Variants in HS6ST3 observed in about 807,000 individuals in gnomAD.
HS6ST3 encodes heparan-sulfate 6-O-sulfotransferase 3.
HS6ST3 carries 12 observed loss-of-function variants against 36.7 expected under a neutral mutation model. That is an observed-to-expected ratio of 0.33 (90% CI 0.21 to 0.53). HS6ST3 has a LOEUF of 0.53. Among genes scored for constraint, HS6ST3 ranks in the 20% least tolerant of loss-of-function variants. The probability of loss-of-function intolerance (pLI) is 0.95; values close to 1 mark genes in which losing one functional copy is unlikely to be tolerated. For synonymous variants in HS6ST3, 240 were observed against 257.5 expected, an observed-to-expected ratio of 0.93 and a Z score of 0.65; for missense variants, 584 against 640.9, an observed-to-expected ratio of 0.91 and a Z score of 0.96.
intron 1 of HS6ST3, among the ~76,000 whole-genome samples, chr13:96,163,604 T>C (rs1187619286): frequency 6.6e-6 from 1 of 152,180 alleles, no homozygotes; most frequent in Non-Finnish European, 1.5e-5. Context: ...TATGTTGAAC[T>C]ATAGTGCTCT....
chr13:96,187,662 C>T (rs555315082), intron 1 of HS6ST3, among the ~76,000 whole-genome samples: 2 of 152,264 alleles, frequency 1.3e-5, no homozygotes, highest in Non-Finnish European at 2.9e-5. Context: ...ATTTTCAAGA[C>T]TCTAAATGTA....
At chr13:96,181,974 A>G (rs1487414467) in intron 1 of HS6ST3, among the ~76,000 whole-genome samples, 2 of 152,226 alleles carry the variant, frequency 1.3e-5, no homozygotes, top group Admixed American at 6.5e-5. Flanking sequence ...TTAAAAGCCT[A>G]TTCACCTACC....
chr13:96,627,923 T>C (rs903283604), intron 1 of HS6ST3, among the ~76,000 whole-genome samples: 6 of 151,906 alleles, frequency 3.9e-5, no homozygotes, highest in Admixed American at 6.5e-5. Context: ...TATCTTTTTC[T>C]AAATTAATAT....
At chr13:96,572,369 G>T (rs992563017) in intron 1 of HS6ST3, among the ~76,000 whole-genome samples, 1 of 152,066 alleles carries the variant, frequency 6.6e-6, no homozygotes, top group Non-Finnish European at 1.5e-5. Flanking sequence ...AGAAAAGTTT[G>T]GCATGCCAAG....
chr13:96,100,927 A>G (rs2053815236), intron 1 of HS6ST3, among the ~76,000 whole-genome samples: 1 of 152,128 alleles, frequency 6.6e-6, no homozygotes, highest in Admixed American at 6.5e-5. Flanking sequence ...GATACCCCAT[A>G]TTTTAGTACC....
At chr13:96,572,904 G>A (rs2056306006) in intron 1 of HS6ST3, among the ~76,000 whole-genome samples, 1 of 152,192 alleles carries the variant, frequency 6.6e-6, no homozygotes, top group African/African-American at 2.4e-5. Flanking sequence ...GGCACATTGT[G>A]TAACACTGAA....
chr13:96,467,078 C>T (rs2055817898), intron 1 of HS6ST3, among the ~76,000 whole-genome samples: 1 of 152,190 alleles, frequency 6.6e-6, no homozygotes, highest in Non-Finnish European at 1.5e-5. Flanking sequence ...TTCTTTCTGA[C>T]TCCCATTGCA....
intron 1 of HS6ST3, among the ~76,000 whole-genome samples, chr13:96,732,181 C>A: frequency 6.6e-6 from 1 of 151,986 alleles, no homozygotes; most frequent in East Asian, 1.9e-4. Flanking sequence ...TTTCATATAC[C>A]TTTTGGCCAT....
chr13:96,807,223 C>T (rs1219188262), intron 1 of HS6ST3, among the ~76,000 whole-genome samples: 2 of 152,214 alleles, frequency 1.3e-5, no homozygotes, highest in African/African-American at 4.8e-5. Context: ...AAACCAAACT[C>T]TGTCTTCCCC....
chr13:96,489,375 A>AACACACACAC lies in HS6ST3; in HGVS notation c.708-343095_708-343086dup, dbSNP rs67334904. Among the ~76,000 whole-genome samples, 324 of 148,090 alleles carry AACACACACAC rather than the reference A, an allele frequency of 2.2e-3. 1 individual carries two copies. Among genetic ancestry groups the AACACACACAC allele is most frequent in the African/African-American group, 7.7e-3 (310 of 40,318 alleles). ...GCAGGAATATTTTTCTGTATATACA[A>AACACACACAC]ACACACACACACACACACACACACA... On this transcript the variant is annotated intron_variant, in intron 1 of 1. Coordinates refer to ENST00000376705, the MANE Select transcript of HS6ST3 (RefSeq NM_153456.4).
intron 1 of HS6ST3, among the ~76,000 whole-genome samples, chr13:96,347,109 A>C (rs2055159833): frequency 6.6e-6 from 1 of 152,158 alleles, no homozygotes; most frequent in Non-Finnish European, 1.5e-5. Flanking sequence ...CCTTCATTGC[A>C]GCTTGTGAGA....
At chr13:96,737,352 G>A (rs1479728441) in intron 1 of HS6ST3, among the ~76,000 whole-genome samples, 1 of 152,024 alleles carries the variant, frequency 6.6e-6, no homozygotes, top group Admixed American at 6.6e-5. Flanking sequence ...TTGGCCGGGC[G>A]CGGTGGTTCA....
At chr13:96,781,129 T>C (rs1877515882) in intron 1 of HS6ST3, among the ~76,000 whole-genome samples, 1 of 152,200 alleles carries the variant, frequency 6.6e-6, no homozygotes, top group South Asian at 2.1e-4. Context: ...CCCATTTTCC[T>C]TGTGGAGATA....
intron 1 of HS6ST3, among the ~76,000 whole-genome samples, chr13:96,600,202 A>C (rs2056416353): frequency 6.6e-6 from 1 of 151,904 alleles, no homozygotes; most frequent in Admixed American, 6.6e-5. Context: ...TGTCTGCCTT[A>C]ATGCTGTCAG....
chr13:96,128,819 A>G (rs534099333), intron 1 of HS6ST3, among the ~76,000 whole-genome samples: 1 of 151,864 alleles, frequency 6.6e-6, no homozygotes, highest in Non-Finnish European at 1.5e-5. Flanking sequence ...CCTTCATCCC[A>G]AGAGGTTTAT....
chr13:96,295,525 T>A (rs1301121417), intron 1 of HS6ST3, among the ~76,000 whole-genome samples: 1 of 152,120 alleles, frequency 6.6e-6, no homozygotes, highest in East Asian at 1.9e-4. Flanking sequence ...AGTACAGATG[T>A]TGAGCTCTCT....
chr13:96,675,852 C>T (rs1298628971), intron 1 of HS6ST3, among the ~76,000 whole-genome samples: 1 of 152,118 alleles, frequency 6.6e-6, no homozygotes, highest in Non-Finnish European at 1.5e-5. Context: ...CCTGCATCCC[C>T]CTTTTGATTA....
At chr13:96,745,255 T>C (rs953157140) in intron 1 of HS6ST3, among the ~76,000 whole-genome samples, 14 of 152,094 alleles carry the variant, frequency 9.2e-5, no homozygotes, top group Admixed American at 4.6e-4. Flanking sequence ...TCAAACATTA[T>C]AGCCTCAATT....
intron 1 of HS6ST3, among the ~76,000 whole-genome samples, chr13:96,254,460 T>C (rs1365053146): frequency 4.1e-3 from 14 of 3,446 alleles, no homozygotes; most frequent in Non-Finnish European, 8.1e-3. Context: ...TATATATATA[T>C]ATATATATAT....
Sources: gnomAD v4.1 joint callset for allele counts (sites outside exome capture counted in the v4.1 genomes callset) on GRCh38, gnomAD v4.1.1 for gene constraint, MANE v1.5 for transcripts, NCBI Gene and HGNC (gene_info 2026-07-23, HGNC 2026-07-21) for gene names.